Variants in CXCL12 observed in about 807,000 individuals in gnomAD.
CXCL12 encodes the protein C-X-C motif chemokine ligand 12, also known as stromal cell-derived factor 1.
A neutral mutation model predicts 10.7 loss-of-function variants in CXCL12; 4 were observed. The ratio of observed to expected loss-of-function variants is 0.37; its 90% CI spans 0.18 to 0.86. The LOEUF (loss-of-function observed/expected upper bound fraction) is 0.86, where lower values mean the gene tolerates loss of function less well. Ranked by LOEUF, CXCL12 falls within the 40% of genes least tolerant of loss-of-function variation. The pLI, the probability that CXCL12 is intolerant of heterozygous loss-of-function variation, is 0.43. For missense variants in CXCL12, 122 were observed against 110.4 expected, an observed-to-expected ratio of 1.10 and a Z score of -0.47; for synonymous variants, 54 against 45.4, an observed-to-expected ratio of 1.19 and a Z score of -0.77.
rs562409894 is a variant in CXCL12, at chr10:44,377,601, C to T, written c.*1032G>A. ...TCACTGATTTTTTCGCTTCTGATTT[C>T]GGAAACCTCAGAGTTTGTTAGTGCC... On this transcript the variant is annotated 3_prime_UTR_variant, in exon 3 of 3. Transcript: ENST00000343575. 5.4e-6 allele frequency: 8 copies of T among 1,493,808 alleles called. No homozygotes were observed. The highest frequency in any genetic ancestry group is 3.9e-5 in the South Asian group (3 of 76,116). The allele number at this position is 1,493,808 out of a possible 1,614,324, so 92.5% of individuals were successfully genotyped here.
At chr10:44,373,274 A>C (rs1839362056), downstream of CXCL12, 6 of 1,588,752 alleles carry the variant, frequency 3.8e-6, no homozygotes, top group Non-Finnish European at 5.1e-6. Flanking sequence ...CTTCCCTAAC[A>C]CTGGTTTCAG....
downstream of CXCL12, chr10:44,372,769 G>A (rs562445005): frequency 1.3e-5 from 19 of 1,444,056 alleles, no homozygotes; most frequent in African/African-American, 2.7e-4. Context: ...TGCTGCCTCA[G>A]CTCAGGGTAG....
Position 44,385,011 on chromosome 10 carries a change from G to C in CXCL12, c.-6C>G. ...ACCACGACCTTGGCGTTCATGGCGC[G>C]GGCGGGCGGGCGGGCGGGCGGACGA... On this transcript the variant is annotated 5_prime_UTR_variant, in exon 1 of 3. Coordinates refer to ENST00000343575, the MANE Select transcript of CXCL12 (RefSeq NM_199168.4). 7.4e-7 allele frequency: 1 copy of C among 1,354,684 alleles called. No individual in the cohort carries two copies. The highest frequency in any genetic ancestry group is 9.6e-7 in the Non-Finnish European group (1 of 1,042,268). The allele number at this position is 1,354,684 out of a possible 1,614,324, so 83.9% of individuals were successfully genotyped here. A position where few individuals can be genotyped will look rare whatever the true frequency, so the allele number is the denominator to read the frequency against.
downstream of CXCL12, among the ~76,000 whole-genome samples, chr10:44,376,681 T>A (rs915529758): frequency 2.0e-5 from 3 of 152,208 alleles, no homozygotes; most frequent in Non-Finnish European, 4.4e-5. Flanking sequence ...CTGAATGGTA[T>A]TTAATGATTT....
At chr10:44,375,906 G>C, downstream of CXCL12, 1 of 1,609,290 alleles carries the variant, frequency 6.2e-7, no homozygotes, top group Non-Finnish European at 8.5e-7. Flanking sequence ...CCGAGAGCAA[G>C]TGAACTGTGG....
intron 2 of CXCL12, among the ~76,000 whole-genome samples, chr10:44,379,469 A>G (rs1839561735): frequency 6.6e-6 from 1 of 152,176 alleles, no homozygotes; most frequent in Admixed American, 6.5e-5. Flanking sequence ...CTTTGGTGCC[A>G]GGTAATCTCA....
At chr10:44,381,391 AC>A (rs1473832667) in intron 1 of CXCL12, among the ~76,000 whole-genome samples, 1 of 150,758 alleles carries the variant, frequency 6.6e-6, no homozygotes, top group Non-Finnish European at 1.5e-5. Flanking sequence ...GCCCTCCCCC[AC>A]CCCAGAGACC....
At chr10:44,370,338 G>C (rs959823497) in exon 4 of CXCL12, 5 of 152,584 alleles carry the variant, frequency 3.3e-5, no homozygotes, top group African/African-American at 1.2e-4. Flanking sequence ...CATTATCTGG[G>C]AGATGCAATT....
Position 44,377,833 on chromosome 10 carries a change from C to G in CXCL12, c.*800G>C. 6.3e-7 allele frequency: 1 copy of G among 1,595,510 alleles called. No homozygotes were observed. Among genetic ancestry groups the G allele is most frequent in the Non-Finnish European group, 8.5e-7 (1 of 1,178,664 alleles). ...AGAGGGCCCGAGCTGTGGGGCAGGC[C>G]CTGGGAGGAGAGGGATGCAGGGCAC... On this transcript the variant is annotated 3_prime_UTR_variant, in exon 3 of 3. Transcript: ENST00000343575.
intron 2 of CXCL12, 133 bp from the exon 3 acceptor site, chr10:44,378,856 C>T: frequency 1.2e-6 from 1 of 861,990 alleles, no homozygotes; most frequent in Non-Finnish European, 1.9e-6. Flanking sequence ...CGCTCAGGCT[C>T]CAGAGGTGCT....
In CXCL12 at chr10:44,377,729, G is replaced by T. The variant is rs776365583; in HGVS notation, c.*904C>A. 3 of 1,598,280 alleles carry T rather than the reference G, an allele frequency of 1.9e-6. No homozygotes were observed. In the African/African-American group the frequency reaches 4.0e-5, roughly 21 times the overall value. On this transcript the variant is annotated 3_prime_UTR_variant, in exon 3 of 3. Transcript: ENST00000343575. ...TTGATTCTGTAAAGACTTGTCTTTT[G>T]CGGGTAAGCAGGGGGACCATTACAC...
chr10:44,371,319 G>A (rs776758917), downstream of CXCL12: 2 of 460,984 alleles, frequency 4.3e-6, no homozygotes, highest in South Asian at 3.3e-5. Flanking sequence ...CCTCAACCAA[G>A]AATTCAATGG....
intron 2 of CXCL12, among the ~76,000 whole-genome samples, chr10:44,380,150 T>C (rs1839585643): frequency 6.6e-6 from 1 of 152,228 alleles, no homozygotes; most frequent in Non-Finnish European, 1.5e-5. Flanking sequence ...TTTCTCCCGG[T>C]CTTCTGTACC....
chr10:44,382,563 T>C (rs1243233916), intron 1 of CXCL12, among the ~76,000 whole-genome samples: 2 of 152,042 alleles, frequency 1.3e-5, no homozygotes, highest in African/African-American at 4.8e-5. Flanking sequence ...CCCGCTGGGA[T>C]GGGTGGGGCT....
downstream of CXCL12, chr10:44,374,803 T>C (rs983453515): frequency 5.0e-6 from 2 of 399,942 alleles, no homozygotes; most frequent in African/African-American, 4.1e-5. Context: ...GGGTGCAGGG[T>C]GGGCGGGTGT....
intron 1 of CXCL12, among the ~76,000 whole-genome samples, chr10:44,382,688 T>C (rs2132051245): frequency 6.6e-6 from 1 of 151,906 alleles, no homozygotes; most frequent in East Asian, 2.0e-4. Flanking sequence ...CTCTCTCCTC[T>C]CCCCCTCCAC....
chr10:44,379,009 G>A (rs960523611), intron 2 of CXCL12, among the ~76,000 whole-genome samples: 1 of 152,132 alleles, frequency 6.6e-6, no homozygotes, highest in Non-Finnish European at 1.5e-5. Flanking sequence ...AGGATAAGTA[G>A]GAGCTTGGAG....
intron 1 of CXCL12, among the ~76,000 whole-genome samples, chr10:44,381,705 G>A (rs1465977027): frequency 1.3e-5 from 2 of 152,170 alleles, no homozygotes; most frequent in African/African-American, 2.4e-5. Flanking sequence ...TTAAATATAG[G>A]ATTGCAAGCC....
chr10:44,378,556 C>G lies in CXCL12; in HGVS notation c.*77G>C. 1 of 1,608,008 alleles carries G rather than the reference C, an allele frequency of 6.2e-7. No homozygotes were observed. Among genetic ancestry groups the G allele is most frequent in the East Asian group, 2.2e-5 (1 of 44,714 alleles). On this transcript the variant is annotated 3_prime_UTR_variant, in exon 3 of 3. Coordinates refer to ENST00000343575, the MANE Select transcript of CXCL12 (RefSeq NM_199168.4). ...ATGGTTAAGGCCCCCTCCCCCACGT[C>G]TTTGCCCTTTCATCTCTCACAAGGT...
Sources: allele counts gnomAD v4.1 joint callset (sites outside exome capture counted in the v4.1 genomes callset), GRCh38; gene constraint gnomAD v4.1.1; transcripts MANE v1.5; gene names NCBI Gene and HGNC (gene_info 2026-07-23, HGNC 2026-07-21).